The following TMPRSS15 variants were observed in gnomAD, a reference collection of about 807,000 sequenced individuals.
The protein encoded by TMPRSS15 is enteropeptidase.
TMPRSS15 carries 128 observed loss-of-function variants against 125.3 expected under a neutral mutation model. The ratio of observed to expected loss-of-function variants is 1.02; its 90% CI spans 0.89 to 1.18. The LOEUF (loss-of-function observed/expected upper bound fraction) is 1.18, where lower values mean the gene tolerates loss of function less well. Ranked by LOEUF, TMPRSS15 falls within the 50% of genes most tolerant of loss-of-function variation. TMPRSS15 has a pLI of 0.00. For missense variants in TMPRSS15, 1,283 were observed against 1,212.7 expected, an observed-to-expected ratio of 1.06 and a Z score of -0.86; for synonymous variants, 446 against 423.2, an observed-to-expected ratio of 1.05 and a Z score of -0.66.
intron 4 of TMPRSS15, among the ~76,000 whole-genome samples, chr21:18,381,327 GATAAA>G (rs1238252885): frequency 6.6e-6 from 1 of 151,994 alleles, no homozygotes; most frequent in African/African-American, 2.4e-5. Flanking sequence ...TGACACTGAA[GATAAA>G]ATAAAATTTA....
At chr21:18,429,851 G>A (rs939821429) in intron 1 of TMPRSS15, among the ~76,000 whole-genome samples, 2 of 152,086 alleles carry the variant, frequency 1.3e-5, no homozygotes, top group Admixed American at 1.3e-4. Context: ...TTCCTAAAAT[G>A]TTCAACTACA....
chr21:18,441,896 G>A (rs1343906103), intron 1 of TMPRSS15, among the ~76,000 whole-genome samples: 3 of 151,724 alleles, frequency 2.0e-5, no homozygotes, highest in Non-Finnish European at 4.4e-5. Flanking sequence ...TCACCATGTC[G>A]GCCAGGCTAG....
At chr21:18,466,958 A>G (rs568560421) in intron 1 of TMPRSS15, among the ~76,000 whole-genome samples, 8 of 152,310 alleles carry the variant, frequency 5.3e-5, no homozygotes, top group African/African-American at 1.4e-4. Flanking sequence ...ACACATGCAC[A>G]TGTATGTTTA....
intron 6 of TMPRSS15, among the ~76,000 whole-genome samples, chr21:18,368,984 A>G (rs1167671335): frequency 1.3e-5 from 2 of 152,098 alleles, no homozygotes; most frequent in East Asian, 1.9e-4. Context: ...ATGAAGCAGG[A>G]TAGGTTTTCA....
chr21:18,427,053 C>T (rs1008016286), intron 1 of TMPRSS15, among the ~76,000 whole-genome samples: 2 of 152,126 alleles, frequency 1.3e-5, no homozygotes, highest in African/African-American at 4.8e-5. Context: ...ATTAGAAGCC[C>T]ATTTCATTGT....
At position 18,326,451 on chromosome 21, in the gene TMPRSS15, G is replaced by A. The variant is rs1219878097; in HGVS notation, c.1902C>T (p.Gly634=). 1 of 1,614,092 alleles carries A rather than the reference G, an allele frequency of 6.2e-7. No homozygotes were observed. The highest frequency in any genetic ancestry group is 8.5e-7 in the Non-Finnish European group (1 of 1,179,978). Residue 634 remains glycine (G), a synonymous_variant, in exon 16 of 25, where the codon GGC becomes GGT. Transcript: ENST00000284885. ...RGGFKANFTT[G]YHLGIPEPCK... is the part of the protein sequence containing the mutation. ...TCCTACCTGGAATCCCCAAGTGATA[G>A]CCAGTAGTAAAGTTTGCTTTAAACC...
chr21:18,455,318 C>T (rs936855078), intron 1 of TMPRSS15, among the ~76,000 whole-genome samples: 2 of 152,040 alleles, frequency 1.3e-5, no homozygotes, highest in African/African-American at 4.8e-5. Flanking sequence ...TTCTTAGGGG[C>T]ATAGGAGATA....
intron 1 of TMPRSS15, among the ~76,000 whole-genome samples, chr21:18,419,054 A>G (rs908958801): frequency 1.3e-5 from 2 of 152,186 alleles, no homozygotes; most frequent in African/African-American, 4.8e-5. Flanking sequence ...CAAGCCTGGT[A>G]GAAACAGCCA....
intron 1 of TMPRSS15, among the ~76,000 whole-genome samples, chr21:18,473,863 T>C (rs1978826583): frequency 6.6e-6 from 1 of 152,314 alleles, no homozygotes; most frequent in Non-Finnish European, 1.5e-5. Context: ...TTCTCATTAA[T>C]GAACAGGAAA....
rs565883471 is a variant in TMPRSS15 at position 18,455,414 on chromosome 21, T to A, written c.10+30385A>T. ...CCTTTATGGAAAGCCATTACACAGG[T>A]TCTAGGTATTTTTTCATCAACATTA... is the stretch of plus-strand genomic sequence containing the variant. On this transcript the variant is annotated intron_variant, in intron 1 of 7. Transcript: ENST00000422787. 8.5e-5 allele frequency among the ~76,000 whole-genome samples: 13 copies of A among 152,266 alleles called. No individual in the cohort carries two copies. The East Asian group carries it at 2.5e-3, about 29-fold the overall frequency.
intron 3 of TMPRSS15, among the ~76,000 whole-genome samples, chr21:18,393,055 A>G (rs2076004288): frequency 6.6e-6 from 1 of 152,100 alleles, no homozygotes; most frequent in Non-Finnish European, 1.5e-5. Flanking sequence ...AGAAAGCAGG[A>G]TGGTTTTGAG....
intron 1 of TMPRSS15, among the ~76,000 whole-genome samples, chr21:18,416,953 C>T (rs1414381788): frequency 6.6e-6 from 1 of 152,036 alleles, no homozygotes. Context: ...TCAACGTCAA[C>T]TGTCTTCATA....
At chr21:18,455,495 GAC>G (rs1369437241) in intron 1 of TMPRSS15, among the ~76,000 whole-genome samples, 1 of 152,094 alleles carries the variant, frequency 6.6e-6, no homozygotes, top group Admixed American at 6.6e-5. Context: ...ATGAAGTTAG[GAC>G]CTGTACTTGC....
chr21:18,321,387 C>T (rs1424193862), intron 16 of TMPRSS15, among the ~76,000 whole-genome samples: 3 of 123,630 alleles, frequency 2.4e-5, no homozygotes, highest in East Asian at 2.5e-4. Flanking sequence ...GAGTCTCACT[C>T]TGTCGCCCAG....
chr21:18,387,425 C>T (rs2075953436), intron 3 of TMPRSS15, among the ~76,000 whole-genome samples: 1 of 152,080 alleles, frequency 6.6e-6, no homozygotes, highest in South Asian at 2.1e-4. Context: ...AACTTTGTGG[C>T]TTATCTGTGC....
intron 6 of TMPRSS15, among the ~76,000 whole-genome samples, chr21:18,366,336 C>T (rs1453928449): frequency 6.6e-6 from 1 of 152,160 alleles, no homozygotes; most frequent in Non-Finnish European, 1.5e-5. Flanking sequence ...TACTCTTGCT[C>T]CTTTGGGAGA....
chr21:18,358,222 C>T (rs1354982049), intron 8 of TMPRSS15, among the ~76,000 whole-genome samples: 1 of 151,744 alleles, frequency 6.6e-6, no homozygotes, highest in Admixed American at 6.6e-5. Context: ...TATCTTATGC[C>T]TACCACTTAT....
intron 1 of TMPRSS15, among the ~76,000 whole-genome samples, chr21:18,424,193 C>T (rs2824820): frequency 0.4 from 60,068 of 151,988 alleles, 12,464 homozygotes; most frequent in Middle Eastern, 0.49. Flanking sequence ...TTTAAGCTTA[C>T]ATTTACCTCA....
chr21:18,334,864 T>C (rs1206943005), intron 13 of TMPRSS15, among the ~76,000 whole-genome samples: 1 of 152,156 alleles, frequency 6.6e-6, no homozygotes, highest in Non-Finnish European at 1.5e-5. Flanking sequence ...TAATTGGCAC[T>C]TGATACGTAC....
Sources: allele counts gnomAD v4.1 joint callset (sites outside exome capture counted in the v4.1 genomes callset), GRCh38; gene constraint gnomAD v4.1.1; transcripts MANE v1.5; gene names NCBI Gene and HGNC (gene_info 2026-07-23, HGNC 2026-07-21).